SSNA1: variants seen among roughly 807,000 people sequenced by gnomAD.
The protein encoded by SSNA1 is microtubule nucleation factor SSNA1.
A neutral mutation model predicts 13.3 loss-of-function variants in SSNA1; 13 were observed. The observed-to-expected ratio is 0.97, with a 90% CI of 0.63 to 1.55. The LOEUF (loss-of-function observed/expected upper bound fraction) is 1.55, where lower values mean the gene tolerates loss of function less well. Among genes scored for constraint, SSNA1 ranks in the 40% most tolerant of loss-of-function variants. The pLI, the probability that SSNA1 is intolerant of heterozygous loss-of-function variation, is 0.00. For missense variants in SSNA1, 186 were observed against 152.7 expected (o/e 1.22, Z -1.15); for synonymous variants, 89 against 65.9 (o/e 1.35, Z -1.70).
chr9:137,189,067 C>A lies in SSNA1; in HGVS notation c.54C>A (p.Cys18Ter), dbSNP rs753825537. The change falls in exon 2 of 3, where the codon TGC (cysteine) becomes TGA (stop). Residue 18 changes from cysteine (C) to a stop codon, truncating the protein, a stop_gained and splice_region_variant. Transcript: ENST00000322310. LOFTEE classifies it high-confidence loss of function. ...LQNYNNELVK[C>*]IEELCQKREE... ...AGCGCCGCCCCTCCCGGCCCCCAGG[C>A]ATAGAGGAGCTGTGCCAGAAGCGGG... is the stretch of plus-strand genomic sequence containing the variant. 3 of 1,563,684 alleles carry A rather than the reference C, an allele frequency of 1.9e-6. No individual in the cohort carries two copies. Among genetic ancestry groups the A allele is most frequent in the East Asian group, 2.4e-5 (1 of 41,618 alleles).
intron 1 of SSNA1, 78 bp from the exon 2 acceptor site, chr9:137,188,988 C>T (rs1275012069): frequency 4.0e-6 from 6 of 1,502,152 alleles, no homozygotes; most frequent in Non-Finnish European, 5.4e-6. Flanking sequence ...ACTCTGGCTT[C>T]CTCGGGTGGA....
In SSNA1 at chr9:137,190,355, T is replaced by G. The variant is rs1564382063; in HGVS notation, c.*441T>G. On this transcript the variant is annotated 3_prime_UTR_variant, in exon 3 of 3. Coordinates refer to ENST00000322310, the MANE Select transcript of SSNA1 (RefSeq NM_003731.3). ...GTGGCCTGTGATTATGAATAAAGAT[T>G]ATCTTTGTAAAGATCCGTGCCAGCC... 1 of 176,644 alleles carries G rather than the reference T, an allele frequency of 5.7e-6. No homozygotes were observed. The highest frequency in any genetic ancestry group is 2.4e-5 in the African/African-American group (1 of 42,128). The allele number at this position is 176,644 out of a possible 1,614,324, so 10.9% of individuals were successfully genotyped here. A position where few individuals can be genotyped will look rare whatever the true frequency, so the allele number is the denominator to read the frequency against.
rs912053986 is a variant in SSNA1, at chr9:137,190,095, G to A, written c.*181G>A. ...CAAGCCCAGGGCACAGCCCACCCGG[G>A]GGTCCTCGCTTCATGCTCACACAGG... On this transcript the variant is annotated 3_prime_UTR_variant, in exon 3 of 3. Transcript: ENST00000322310. The A allele has an allele frequency of 1.7e-5, 10 of 597,124 alleles. No individual in the cohort carries two copies. Among genetic ancestry groups the A allele is most frequent in the Non-Finnish European group, 3.0e-5 (10 of 336,792 alleles). 37.0% of individuals were successfully genotyped at this position (597,124 alleles called of 1,614,324 possible).
In SSNA1 at chr9:137,190,105, T is replaced by G. The variant is rs1834581249; in HGVS notation, c.*191T>G. 18 of 578,972 alleles carry G rather than the reference T, an allele frequency of 3.1e-5. No homozygotes were observed. In the South Asian group the frequency reaches 3.5e-4, roughly 11 times the overall value. The allele number at this position is 578,972 out of a possible 1,614,324, so 35.9% of individuals were successfully genotyped here. A position where few individuals can be genotyped will look rare whatever the true frequency, so the allele number is the denominator to read the frequency against. On this transcript the variant is annotated 3_prime_UTR_variant, in exon 3 of 3. Coordinates refer to ENST00000322310, the MANE Select transcript of SSNA1 (RefSeq NM_003731.3). ...GCACAGCCCACCCGGGGGTCCTCGC[T>G]TCATGCTCACACAGGCTATGGGGAT... is the stretch of plus-strand genomic sequence containing the variant.
intron 2 of SSNA1, 67 bp from the exon 3 acceptor site, chr9:137,189,740 G>A (rs983391983): frequency 1.4e-6 from 2 of 1,442,460 alleles, no homozygotes; most frequent in Non-Finnish European, 1.9e-6. Context: ...TGAGTGTGAG[G>A]ACAGCTGGGG....
chr9:137,188,693 G>A lies in SSNA1; in HGVS notation c.-34G>A, dbSNP rs777125127. ...GCGCGGACAGCGCTGCTTCCGCGGC[G>A]GTTGGGGTGGTGGGGCCCCGGGCGG... On this transcript the variant is annotated 5_prime_UTR_variant, in exon 1 of 3. Coordinates refer to ENST00000322310, the MANE Select transcript of SSNA1 (RefSeq NM_003731.3). 59 of 1,574,602 alleles carry A rather than the reference G, an allele frequency of 3.7e-5. No homozygotes were observed. The highest frequency in any genetic ancestry group is 7.0e-5 in the Admixed American group (4 of 57,358).
chr9:137,189,878 C>G lies in SSNA1; in HGVS notation c.324C>G (p.Ala108=). The G allele has an allele frequency of 6.2e-7, 1 of 1,613,956 alleles. No homozygotes were observed. The highest frequency in any genetic ancestry group is 8.5e-7 in the Non-Finnish European group (1 of 1,180,022). Residue 108 remains alanine (A), a synonymous_variant, in exon 3 of 3, where the codon GCC becomes GCG. Coordinates refer to ENST00000322310, the MANE Select transcript of SSNA1 (RefSeq NM_003731.3). ...CTGGGAACCTGACCAAGGCTACAGCCCCAGACCAGAAAAGTAGCGGCGGCA... is the reference window on the plus strand; with the variant it reads ...CTGGGAACCTGACCAAGGCTACAGCGCCAGACCAGAAAAGTAGCGGCGGCA... ...REAGNLTKAT[A]PDQKSSGGRD...
At chr9:137,189,299 G>T (rs758929900) in intron 2 of SSNA1, 34 bp downstream of exon 2, 5 of 1,610,296 alleles carry the variant, frequency 3.1e-6, no homozygotes, top group East Asian at 2.2e-5. Context: ...AGCATCAGGG[G>T]ATAGGCACGG....
rs1564381743 is a variant in SSNA1, at chr9:137,189,866, C to T, written c.312C>T (p.Thr104=). The change falls in exon 3 of 3, where the codon ACC becomes ACT. Residue 104 remains threonine, a synonymous_variant. Transcript: ENST00000322310. Reference sequence around the variant, plus strand: ...TCAAGAGGGAAGCTGGGAACCTGACCAAGGCTACAGCCCCAGACCAGAAAA... The same window carrying T: ...TCAAGAGGGAAGCTGGGAACCTGACTAAGGCTACAGCCCCAGACCAGAAAA... ...SVLKREAGNL[T]KATAPDQKSS... 10 of 1,613,864 alleles carry T rather than the reference C, an allele frequency of 6.2e-6. No homozygotes were observed. The highest frequency in any genetic ancestry group is 8.5e-6 in the Non-Finnish European group (10 of 1,180,038).
intron 2 of SSNA1, 117 bp from the exon 3 acceptor site, chr9:137,189,690 G>T: frequency 1.1e-6 from 1 of 900,676 alleles, no homozygotes. Context: ...CCCCACACAG[G>T]ATCCCTTGGC....
chr9:137,188,874 A>G (rs1834545817), intron 1 of SSNA1, 96 bp downstream of exon 1: 2 of 1,391,156 alleles, frequency 1.4e-6, no homozygotes, highest in Non-Finnish European at 9.4e-7. Context: ...CGCTGCGGGC[A>G]TCGCGCGGCT....
In SSNA1 at chr9:137,188,711, C is replaced by A. The variant is rs767354119; in HGVS notation, c.-16C>A. The A allele has an allele frequency of 3.2e-6, 5 of 1,580,670 alleles. No individual in the cohort carries two copies. Among genetic ancestry groups the A allele is most frequent in the African/African-American group, 2.8e-5 (2 of 72,552 alleles). ...CCGCGGCGGTTGGGGTGGTGGGGCCCCGGGCGGCGTTGACCATGACCCAGC... is the reference window on the plus strand; with the variant it reads ...CCGCGGCGGTTGGGGTGGTGGGGCCACGGGCGGCGTTGACCATGACCCAGC... On this transcript the variant is annotated 5_prime_UTR_variant, in exon 1 of 3. Coordinates refer to ENST00000322310, the MANE Select transcript of SSNA1 (RefSeq NM_003731.3).
Position 137,189,281 on chromosome 9 carries a change from C to T in SSNA1, c.252+16C>T, listed in dbSNP as rs184867945. Reference sequence around the variant, plus strand: ...CTACCTCAAGGTGGAGCTCGGGAGGCCAGGCCGAGCATCAGGGGATAGGCA... The same window carrying T: ...CTACCTCAAGGTGGAGCTCGGGAGGTCAGGCCGAGCATCAGGGGATAGGCA... On this transcript the variant is annotated intron_variant, in intron 2 of 2. Transcript: ENST00000322310. 122 of 1,612,470 alleles carry T rather than the reference C, an allele frequency of 7.6e-5. No homozygotes were observed. The highest frequency in any genetic ancestry group is 1.6e-4 in the Middle Eastern group (1 of 6,062).
At position 137,189,068 on chromosome 9, in the gene SSNA1, A is replaced by G. The variant is rs1364484728; in HGVS notation, c.55A>G (p.Ile19Val). The G allele has an allele frequency of 1.9e-6, 3 of 1,564,740 alleles. No homozygotes were observed. Among genetic ancestry groups the G allele is most frequent in the Non-Finnish European group, 2.6e-6 (3 of 1,154,178 alleles). The change falls in exon 2 of 3, where the codon ATA (isoleucine) becomes GTA (valine). Residue 19 changes from isoleucine (I) to valine (V), a missense_variant and splice_region_variant. Transcript: ENST00000322310. ...GCGCCGCCCCTCCCGGCCCCCAGGC[A>G]TAGAGGAGCTGTGCCAGAAGCGGGA... ...QNYNNELVKCIEELCQKREEL... is the reference protein window; with the variant it reads ...QNYNNELVKCVEELCQKREEL...
rs775027744 is a variant in SSNA1 at position 137,188,747 on chromosome 9, G to T, written c.21G>T (p.Ala7=). The T allele has an allele frequency of 6.3e-7, 1 of 1,585,668 alleles. No homozygotes were observed. The highest frequency in any genetic ancestry group is 8.5e-7 in the Non-Finnish European group (1 of 1,173,490). The change falls in exon 1 of 3, where the codon GCG becomes GCT. Residue 7 remains alanine (A), a synonymous_variant. Transcript: ENST00000322310. The part of the protein sequence containing the change: MTQQGA[A]LQNYNNELVK... ...TGACCATGACCCAGCAGGGCGCGGC[G>T]CTGCAGAACTACAACAACGAGCTGG... is the stretch of plus-strand genomic sequence containing the variant.
At position 137,189,113 on chromosome 9, in the gene SSNA1, CAGG is replaced by C. The variant is rs764416250; in HGVS notation, c.111_113del (p.Glu37del). Reference sequence around the variant, plus strand: ...GCGGGAGGAGCTGTGCCGGCAGATCCAGGAGGAGGAGGACGAGAAGCAGCGGCT... The same window carrying C: ...GCGGGAGGAGCTGTGCCGGCAGATCCAGGAGGAGGACGAGAAGCAGCGGCT... On this transcript the variant is annotated inframe_deletion, in exon 2 of 3. Coordinates refer to ENST00000322310, the MANE Select transcript of SSNA1 (RefSeq NM_003731.3). The C allele has an allele frequency of 8.7e-6, 14 of 1,602,078 alleles. No homozygotes were observed. Among genetic ancestry groups the C allele is most frequent in the East Asian group, 2.3e-5 (1 of 44,370 alleles).
Position 137,189,974 on chromosome 9 carries a change from G to C in SSNA1, c.*60G>C. The C allele has an allele frequency of 6.9e-7, 1 of 1,441,416 alleles. No individual in the cohort carries two copies. Among genetic ancestry groups the C allele is most frequent in the Non-Finnish European group, 9.7e-7 (1 of 1,029,426 alleles). The allele number at this position is 1,441,416 out of a possible 1,614,324, so 89.3% of individuals were successfully genotyped here. On this transcript the variant is annotated 3_prime_UTR_variant, in exon 3 of 3. Transcript: ENST00000322310. ...CTCAGCTCAGCCCCAGCAAGTGTGT[G>C]CTCAGAGCATCTTTGTTCTTCACGG...
chr9:137,189,139 G>C lies in SSNA1; in HGVS notation c.126G>C (p.Arg42=), dbSNP rs368289938. 6.2e-7 allele frequency: 1 copy of C among 1,610,838 alleles called. No homozygotes were observed. Among genetic ancestry groups the C allele is most frequent in the Non-Finnish European group, 8.5e-7 (1 of 1,179,102 alleles). ...QIQEEEDEKQ[R]LQNEVRQLTE... ...AGGAGGAGGAGGACGAGAAGCAGCG[G>C]CTGCAGAATGAGGTGAGGCAGCTGA... The change falls in exon 2 of 3, where the codon CGG becomes CGC. Residue 42 remains arginine, a synonymous_variant. Transcript: ENST00000322310.
intron 2 of SSNA1, 59 bp from the exon 3 acceptor site, chr9:137,189,748 G>A: frequency 6.6e-7 from 1 of 1,504,736 alleles, no homozygotes; most frequent in East Asian, 2.3e-5. Flanking sequence ...AGGACAGCTG[G>A]GGCTTAGGAC....
Sources: gnomAD v4.1 joint callset for allele counts on GRCh38, gnomAD v4.1.1 for gene constraint, MANE v1.5 for transcripts, NCBI Gene and HGNC (gene_info 2026-07-23, HGNC 2026-07-21) for gene names.